Variants in CYP27A1 observed in about 807,000 individuals in gnomAD.
The protein encoded by CYP27A1 is sterol 26-hydroxylase, mitochondrial.
A neutral mutation model predicts 58.2 loss-of-function variants in CYP27A1; 46 were observed. That is an observed-to-expected ratio of 0.79 (90% CI 0.62 to 1.01). The LOEUF (loss-of-function observed/expected upper bound fraction) is 1.01. Ranked by LOEUF, CYP27A1 falls within the 50% of genes least tolerant of loss-of-function variation. The pLI is 0.00. For synonymous variants in CYP27A1, 274 were observed against 285.1 expected, an observed-to-expected ratio of 0.96 and a Z score of 0.39; for missense variants, 704 against 687.0, an observed-to-expected ratio of 1.02 and a Z score of -0.28.
Position 218,809,589 on chromosome 2 carries a change from G to C in CYP27A1, c.268G>C (p.Ala90Pro). The change falls in exon 2 of 9, where the codon GCC becomes CCC. Residue 90 changes from alanine to proline, a missense_variant. By Grantham distance (27) the Ala-to-Pro change is conservative (BLOSUM62 -1). Transcript: ENST00000258415. ...QLHQLQVLYK[A>P]KYGPMWMSYL... ...TTGAACTCCACAGGTGCTTTACAAGGCCAAGTACGGTCCAATGTGGATGTC... is the reference window on the plus strand; with the variant it reads ...TTGAACTCCACAGGTGCTTTACAAGCCCAAGTACGGTCCAATGTGGATGTC... 6.2e-7 allele frequency: 1 copy of C among 1,613,968 alleles called. No homozygotes were observed. The highest frequency in any genetic ancestry group is 8.5e-7 in the Non-Finnish European group (1 of 1,179,994).
intron 1 of CYP27A1, among the ~76,000 whole-genome samples, chr2:218,786,899 G>A (rs1196959016): frequency 1.3e-5 from 2 of 151,712 alleles, no homozygotes; most frequent in East Asian, 1.9e-4. Flanking sequence ...GGCTCCAGCT[G>A]TCCTCTCACA....
Position 218,782,232 on chromosome 2 carries a change from G to A in CYP27A1, c.50G>A (p.Gly17Asp). 1.3e-6 allele frequency: 2 copies of A among 1,543,914 alleles called. No individual in the cohort carries two copies. The highest frequency in any genetic ancestry group is 1.7e-6 in the Non-Finnish European group (2 of 1,146,806). ...CTGAGGTGGGCGCTGCGAGGGGCCGGCCGTGGCCTCTGCCCCCACGGGGCC... is the reference window on the plus strand; with the variant it reads ...CTGAGGTGGGCGCTGCGAGGGGCCGACCGTGGCCTCTGCCCCCACGGGGCC... Reference protein sequence around the residue: ...ARLRWALRGAGRGLCPHGARA... With the variant: ...ARLRWALRGADRGLCPHGARA... Residue 17 changes from glycine to aspartate, a missense_variant, in exon 1 of 9, where the codon GGC becomes GAC. Gly to Asp is a moderately conservative substitution (Grantham distance 94). Transcript: ENST00000258415. The surrounding 1 kb of genome is among the most constrained non-coding windows in gnomAD (Gnocchi z 4.1).
intron 1 of CYP27A1, among the ~76,000 whole-genome samples, chr2:218,783,257 CAAAAAAA>C (rs371442397): frequency 1.3e-4 from 10 of 79,536 alleles, no homozygotes; most frequent in South Asian, 4.7e-4. Flanking sequence ...AACTCTGTCT[CAAAAAAA>C]AAAAAAAAAA....
At chr2:218,784,721 T>C (rs1559385184) in intron 1 of CYP27A1, among the ~76,000 whole-genome samples, 1 of 152,252 alleles carries the variant, frequency 6.6e-6, no homozygotes, top group Non-Finnish European at 1.5e-5. Context: ...TTTGGAGCAC[T>C]GATCCCATTT....
Position 218,783,257 on chromosome 2 carries a change from CAAAAAAAAA to C in CYP27A1, c.255+831_255+839del, listed in dbSNP as rs371442397. 2.3e-4 allele frequency among the ~76,000 whole-genome samples: 18 copies of C among 79,556 alleles called. No homozygotes were observed. In the South Asian group the frequency reaches 4.7e-3, roughly 21 times the overall value. The allele number at this position is 79,556 out of a possible 152,430, so 52.2% of individuals were successfully genotyped here. On this transcript the variant is annotated intron_variant, in intron 1 of 8. Coordinates refer to ENST00000258415, the MANE Select transcript of CYP27A1 (RefSeq NM_000784.4). The stretch of plus-strand genomic sequence containing the variant: ...GGGCAACAAGAGCGAAACTCTGTCT[CAAAAAAAAA>C]AAAAAAAAAAGAAAAAAAGAAAAAA...
intron 1 of CYP27A1, among the ~76,000 whole-genome samples, chr2:218,798,060 T>C (rs983143847): frequency 6.6e-6 from 1 of 152,136 alleles, no homozygotes; most frequent in Non-Finnish European, 1.5e-5. Flanking sequence ...TGGAGTGCAG[T>C]GGTGTGATCT....
At chr2:218,812,178 C>T (rs1473510397) in intron 2 of CYP27A1, 44 bp from the exon 3 acceptor site, 2 of 1,492,858 alleles carry the variant, frequency 1.3e-6, no homozygotes, top group East Asian at 2.3e-5. Context: ...TAATTGAACC[C>T]CCATAGAGGC....
chr2:218,782,302 C>T lies in CYP27A1; in HGVS notation c.120C>T (p.Ala40=), dbSNP rs150389057. ...CTGCCGCCCTCCCCTCGGACAAGGC[C>T]ACCGGAGCTCCCGGAGCCGGGCCTG... The part of the protein sequence containing the change: ...AIPAALPSDK[A]TGAPGAGPGV... Residue 40 remains alanine, a synonymous_variant, in exon 1 of 9, where the codon GCC becomes GCT. Coordinates refer to ENST00000258415, the MANE Select transcript of CYP27A1 (RefSeq NM_000784.4). The surrounding 1 kb of genome is among the most constrained non-coding windows in gnomAD (Gnocchi z 4.1). The T allele has an allele frequency of 2.9e-5, 46 of 1,606,830 alleles. No individual in the cohort carries two copies. The African/African-American group carries it at 3.6e-4, about 13-fold the overall frequency.
intron 1 of CYP27A1, among the ~76,000 whole-genome samples, chr2:218,784,839 G>A (rs1943427074): frequency 6.6e-6 from 1 of 152,150 alleles, no homozygotes; most frequent in Admixed American, 6.6e-5. Context: ...CAGGGGGCAG[G>A]TCACAAAATA....
chr2:218,813,450 G>C (rs1471317629), intron 5 of CYP27A1, among the ~76,000 whole-genome samples: 1 of 151,948 alleles, frequency 6.6e-6, no homozygotes, highest in Non-Finnish European at 1.5e-5. Flanking sequence ...TTTTAAGATG[G>C]AGTCTCACTC....
intron 1 of CYP27A1, 113 bp from the exon 2 acceptor site, chr2:218,809,464 T>TTG (rs1943687711): frequency 1.1e-5 from 4 of 355,684 alleles, no homozygotes; most frequent in South Asian, 9.7e-5. Context: ...TTTTTTTTTT[T>TTG]GCCCAGCTCA....
intron 1 of CYP27A1, chr2:218,806,083 A>G (rs934369033): frequency 1.3e-5 from 2 of 152,226 alleles, no homozygotes; most frequent in Non-Finnish European, 2.9e-5. Context: ...ACGTGGCAAA[A>G]AATTTTTGAA....
At chr2:218,810,929 T>C (rs1943707455) in intron 2 of CYP27A1, among the ~76,000 whole-genome samples, 1 of 151,990 alleles carries the variant, frequency 6.6e-6, no homozygotes, top group Non-Finnish European at 1.5e-5. Context: ...GGGCGGATCA[T>C]GAGGTCAGGA....
intron 1 of CYP27A1, among the ~76,000 whole-genome samples, chr2:218,801,384 T>C (rs1373797427): frequency 6.6e-6 from 1 of 152,094 alleles, no homozygotes; most frequent in Non-Finnish European, 1.5e-5. Context: ...TGCACACCTG[T>C]AATCCCAGCT....
At chr2:218,806,153 T>C (rs1943648764) in intron 1 of CYP27A1, 1 of 152,240 alleles carries the variant, frequency 6.6e-6, no homozygotes, top group African/African-American at 2.4e-5. Flanking sequence ...TTTACCACCA[T>C]TGAGATAACT....
At chr2:218,783,422 C>A (rs1007665423) in intron 1 of CYP27A1, among the ~76,000 whole-genome samples, 1 of 152,006 alleles carries the variant, frequency 6.6e-6, no homozygotes, top group Non-Finnish European at 1.5e-5. Flanking sequence ...CTGACAGAGA[C>A]CGGAAAACCC....
chr2:218,798,191 G>A (rs1221844302), intron 1 of CYP27A1, among the ~76,000 whole-genome samples: 1 of 152,100 alleles, frequency 6.6e-6, no homozygotes, highest in Non-Finnish European at 1.5e-5. Flanking sequence ...TTCTAGTAGA[G>A]ATGGGGTTTC....
chr2:218,792,928 A>G (rs548886390), intron 1 of CYP27A1, among the ~76,000 whole-genome samples: 32 of 152,336 alleles, frequency 2.1e-4, no homozygotes, highest in African/African-American at 7.7e-4. Context: ...AGGTCAAAAA[A>G]GACTTAATTT....
rs776496668 is a variant in CYP27A1, at chr2:218,807,260, T to C, written c.256-2317T>C. ...AGGCGTGAGCCACTGTGCCCGGCCCTCCTAGGGAATTTAATAGAGGAAAAT... is the reference window on the plus strand; with the variant it reads ...AGGCGTGAGCCACTGTGCCCGGCCCCCCTAGGGAATTTAATAGAGGAAAAT... On this transcript the variant is annotated intron_variant, in intron 1 of 8. Transcript: ENST00000258415. 1.3e-3 allele frequency among the ~76,000 whole-genome samples: 192 copies of C among 152,026 alleles called. 1 individual carries two copies. The highest frequency in any genetic ancestry group is 3.7e-3 in the Admixed American group (56 of 15,264).
Sources: allele counts gnomAD v4.1 joint callset (sites outside exome capture counted in the v4.1 genomes callset), GRCh38; gene constraint gnomAD v4.1.1; non-coding constraint Gnocchi (gnomAD v3.1); transcripts MANE v1.5; gene names NCBI Gene and HGNC (gene_info 2026-07-23, HGNC 2026-07-21).